The following ANO3 variants were observed in gnomAD, a reference collection of about 807,000 sequenced individuals.
ANO3 encodes anoctamin 3.
In ANO3, 99 loss-of-function variants were observed where a neutral mutation model predicts 144.8. The ratio of observed to expected loss-of-function variants is 0.68; its 90% CI spans 0.58 to 0.81. The LOEUF is 0.81. Among genes scored for constraint, ANO3 ranks in the 30% least tolerant of loss-of-function variants. The pLI is 0.00. For synonymous variants in ANO3, 414 were observed against 392.6 expected, an observed-to-expected ratio of 1.05 and a Z score of -0.64; for missense variants, 905 against 1,202.2, an observed-to-expected ratio of 0.75 and a Z score of 3.66.
chr11:26,410,958 T>C (rs544872132), intron 1 of ANO3, among the ~76,000 whole-genome samples: 1 of 152,150 alleles, frequency 6.6e-6, no homozygotes, highest in East Asian at 1.9e-4. Context: ...CCCTGGGCTA[T>C]GGGATTTCCG....
At chr11:26,641,783 C>A in intron 21 of ANO3, 113 bp from the exon 22 acceptor site, 1 of 1,133,030 alleles carries the variant, frequency 8.8e-7, no homozygotes, top group Non-Finnish European at 1.2e-6. Flanking sequence ...AAACCAAATA[C>A]CTCCAATTCC....
chr11:26,367,876 A>G (rs950853781), intron 1 of ANO3, among the ~76,000 whole-genome samples: 1 of 152,184 alleles, frequency 6.6e-6, no homozygotes, highest in African/African-American at 2.4e-5. Context: ...AGGTGGAAGC[A>G]CCACACTTTA....
At chr11:26,388,718 T>C (rs1856798448) in intron 1 of ANO3, among the ~76,000 whole-genome samples, 1 of 152,192 alleles carries the variant, frequency 6.6e-6, no homozygotes, top group Non-Finnish European at 1.5e-5. Context: ...TTATATTCAC[T>C]GGTCACAGAG....
chr11:26,584,657 A>T (rs1359411706), intron 14 of ANO3, among the ~76,000 whole-genome samples: 1 of 152,232 alleles, frequency 6.6e-6, no homozygotes, highest in East Asian at 1.9e-4. Flanking sequence ...CATGTATAAG[A>T]ACAAGTGTAA....
chr11:26,573,189 A>G (rs777631475), intron 14 of ANO3, among the ~76,000 whole-genome samples: 1 of 152,206 alleles, frequency 6.6e-6, no homozygotes, highest in Non-Finnish European at 1.5e-5. Context: ...TGCAGGAGCT[A>G]GTAAGCTTCA....
chr11:26,516,798 A>C (rs1475422833), intron 5 of ANO3, 29 bp from the exon 6 acceptor site: 8 of 1,472,726 alleles, frequency 5.4e-6, no homozygotes, highest in Non-Finnish European at 7.6e-6. Context: ...GATTCTAAAT[A>C]ATGTTGCCTA....
chr11:26,268,043 T>C (rs1037091448), intron 1 of ANO3, among the ~76,000 whole-genome samples: 6 of 152,078 alleles, frequency 3.9e-5, no homozygotes, highest in Non-Finnish European at 8.8e-5. Context: ...ATACCTACAT[T>C]CCATGTTACA....
At chr11:26,530,237 G>A (rs1274956076) in intron 7 of ANO3, among the ~76,000 whole-genome samples, 1 of 152,174 alleles carries the variant, frequency 6.6e-6, no homozygotes, top group East Asian at 1.9e-4. Flanking sequence ...ACCAAGGCAA[G>A]AAGTTAAATA....
intron 1 of ANO3, among the ~76,000 whole-genome samples, chr11:26,300,126 C>G (rs1447660026): frequency 6.6e-6 from 1 of 152,050 alleles, no homozygotes; most frequent in Non-Finnish European, 1.5e-5. Context: ...TGTATGCTGG[C>G]ATGTTTTTTC....
At chr11:26,234,133 T>C (rs1181487995) in intron 1 of ANO3, among the ~76,000 whole-genome samples, 1 of 152,170 alleles carries the variant, frequency 6.6e-6, no homozygotes, top group African/African-American at 2.4e-5. Flanking sequence ...CAGTATAACG[T>C]TTGTTTTGGT....
At chr11:26,515,834 C>T (rs1590444933) in intron 5 of ANO3, among the ~76,000 whole-genome samples, 1 of 151,998 alleles carries the variant, frequency 6.6e-6, no homozygotes, top group South Asian at 2.1e-4. Flanking sequence ...AGATGTTTTG[C>T]TCCTATAATC....
At chr11:26,613,514 T>C (rs1852160330) in intron 17 of ANO3, among the ~76,000 whole-genome samples, 1 of 152,242 alleles carries the variant, frequency 6.6e-6, no homozygotes. Flanking sequence ...GGTCTGTTAC[T>C]AGAGACTTAT....
intron 26 of ANO3, 134 bp downstream of exon 26, chr11:26,656,615 A>C (rs745722760): frequency 1.6e-6 from 1 of 630,390 alleles, no homozygotes; most frequent in East Asian, 2.7e-5. Context: ...GCTTTAATAC[A>C]ATGAAAGCAT....
chr11:26,566,666 G>A lies in ANO3; in HGVS notation c.1447+6887G>A, dbSNP rs185100007. On this transcript the variant is annotated intron_variant, in intron 14 of 26. Coordinates refer to ENST00000256737, the MANE Select transcript of ANO3 (RefSeq NM_031418.4). ...GGTTGGGGTGTGTGTGGGAAAATAA[G>A]CTAGATAATTGCAGATTGGGTCCTG... Among the ~76,000 whole-genome samples, 6 of 151,928 alleles carry A rather than the reference G, an allele frequency of 3.9e-5. No homozygotes were observed. In the East Asian group the frequency reaches 1.2e-3, roughly 29 times the overall value.
At chr11:26,470,510 C>T (rs2134069566) in intron 4 of ANO3, among the ~76,000 whole-genome samples, 1 of 151,430 alleles carries the variant, frequency 6.6e-6, no homozygotes, top group African/African-American at 2.4e-5. Flanking sequence ...GGGGGAGGAC[C>T]ACTTCCAGAG....
chr11:26,591,625 C>A (rs1005450812), intron 14 of ANO3, among the ~76,000 whole-genome samples: 2 of 152,096 alleles, frequency 1.3e-5, no homozygotes, highest in Admixed American at 1.3e-4. Context: ...TCCATAGAAC[C>A]TCTTGGTAAG....
In ANO3 at chr11:26,441,925, T is replaced by C; in HGVS notation, c.54T>C (p.Asn18=). 2 of 1,612,868 alleles carry C rather than the reference T, an allele frequency of 1.2e-6. No homozygotes were observed. The highest frequency in any genetic ancestry group is 1.7e-6 in the Non-Finnish European group (2 of 1,179,548). ...IQSFKQQKGM[N]ISKSEITKET... ...AACATTTTGGATTTGCAGGTATGAA[T>C]ATAAGCAAGAGTGAGATAACAAAAG... The change falls in exon 2 of 27, where the codon AAT becomes AAC. Residue 18 remains asparagine, a synonymous_variant. Transcript: ENST00000256737.
intron 11 of ANO3, among the ~76,000 whole-genome samples, chr11:26,544,492 A>C (rs187212254): frequency 6.6e-6 from 1 of 151,120 alleles, no homozygotes; most frequent in East Asian, 2.0e-4. Flanking sequence ...AATTGGTTTA[A>C]ATAGGAGGAA....
intron 1 of ANO3, among the ~76,000 whole-genome samples, chr11:26,424,116 G>C (rs1294451068): frequency 6.6e-6 from 1 of 151,664 alleles, no homozygotes; most frequent in Non-Finnish European, 1.5e-5. Context: ...TCTCCAACTC[G>C]GATTGCAGCA....
Sources: gnomAD v4.1 joint callset for allele counts (sites outside exome capture counted in the v4.1 genomes callset) on GRCh38, gnomAD v4.1.1 for gene constraint, MANE v1.5 for transcripts, NCBI Gene and HGNC (gene_info 2026-07-23, HGNC 2026-07-21) for gene names.